The following MAN2A2 variants were observed in gnomAD, a reference collection of about 807,000 sequenced individuals.
MAN2A2 encodes the protein alpha-mannosidase 2x.
MAN2A2 carries 79 observed loss-of-function variants against 126.8 expected under a neutral mutation model. The observed-to-expected ratio is 0.62, with a 90% CI of 0.52 to 0.75. The LOEUF is 0.75. MAN2A2 is among the 30% of genes least tolerant of loss of function. MAN2A2 has a pLI of 0.00. For missense variants in MAN2A2, 1,392 were observed against 1,522.4 expected (o/e 0.91, Z 1.43); for synonymous variants, 671 against 618.7 (o/e 1.08, Z -1.25).
At position 90,910,308 on chromosome 15, in the gene MAN2A2, C is replaced by A. The variant is rs200302312; in HGVS notation, c.1577+16C>A. On this transcript the variant is annotated intron_variant, in intron 10 of 22. Coordinates refer to ENST00000559717, the MANE Select transcript of MAN2A2 (RefSeq NM_006122.4). ...CCCACCTGCGGTGAGACCCTGTCCCCGCTTCCAGGCTGGAGGGGGAGAGTC... is the reference window on the plus strand; with the variant it reads ...CCCACCTGCGGTGAGACCCTGTCCCAGCTTCCAGGCTGGAGGGGGAGAGTC... 81 of 1,613,084 alleles carry A rather than the reference C, an allele frequency of 5.0e-5. No individual in the cohort carries two copies. Among genetic ancestry groups the A allele is most frequent in the Non-Finnish European group, 6.8e-5 (80 of 1,179,414 alleles).
chr15:90,918,323 C>T lies in MAN2A2; in HGVS notation c.3124C>T (p.His1042Tyr). Residue 1042 changes from histidine to tyrosine, a missense_variant, in exon 21 of 23, where the codon CAT (histidine) becomes TAT (tyrosine). Physicochemically the swap from His to Tyr is moderately conservative, Grantham distance 83. Transcript: ENST00000559717. The stretch of plus-strand genomic sequence containing the variant: ...CCCAGGCCCTGGTCTGCGCTCATTT[C>T]ATCCTCTGGCTTCCTCACTGCCCTG... ...QLPGPGLRSF[H>Y]PLASSLPCDF... The T allele has an allele frequency of 6.2e-7, 1 of 1,614,222 alleles. No individual in the cohort carries two copies. The highest frequency in any genetic ancestry group is 8.5e-7 in the Non-Finnish European group (1 of 1,180,034).
intron 14 of MAN2A2, chr15:90,911,789 C>G (rs2034766863): frequency 1.7e-6 from 1 of 603,570 alleles, no homozygotes; most frequent in East Asian, 2.8e-5. Context: ...GTTATAATGC[C>G]CCATCATTCA....
Position 90,912,223 on chromosome 15 carries a change from G to T in MAN2A2, c.2290G>T (p.Ala764Ser). The change falls in exon 15 of 23, where the codon GCC becomes TCC. Residue 764 changes from alanine to serine, a missense_variant. By Grantham distance (99) the Ala-to-Ser change is moderately conservative. Coordinates refer to ENST00000559717, the MANE Select transcript of MAN2A2 (RefSeq NM_006122.4). The part of the protein sequence containing the change: ...RVIDSGTSDF[A>S]LSNRYMQVWF... Reference sequence around the variant, plus strand: ...CATTGACTCTGGCACCAGCGACTTCGCCCTCAGCAACCGCTACATGCAGGT... The same window carrying T: ...CATTGACTCTGGCACCAGCGACTTCTCCCTCAGCAACCGCTACATGCAGGT... 1.2e-6 allele frequency: 2 copies of T among 1,614,206 alleles called. No homozygotes were observed. The highest frequency in any genetic ancestry group is 1.7e-6 in the Non-Finnish European group (2 of 1,180,034).
chr15:90,906,780 A>G lies in MAN2A2; in HGVS notation c.876A>G (p.Gly292=), dbSNP rs776361942. Residue 292 remains glycine, a synonymous_variant, in exon 7 of 23, where the codon GGA becomes GGG. Transcript: ENST00000559717. ...PRSGWAVDPF[G]YSSTMPYLLR... ...CTGGCTGGGCAGTGGACCCCTTTGG[A>G]TACAGCTCCACCATGCCTTACCTGC... 5.0e-6 allele frequency: 8 copies of G among 1,613,446 alleles called. No individual in the cohort carries two copies. Among genetic ancestry groups the G allele is most frequent in the Non-Finnish European group, 6.8e-6 (8 of 1,179,964 alleles).
In MAN2A2 at chr15:90,904,497, C is replaced by T. The variant is rs145279799; in HGVS notation, c.132+158C>T. Among the ~76,000 whole-genome samples, 600 of 149,250 alleles carry T rather than the reference C, an allele frequency of 4.0e-3. 31 individuals are homozygous for T. In the East Asian group the frequency reaches 0.11, roughly 26 times the overall value. ...CCCAATAGTCAGGTTTTGTAGAAAC[C>T]CTCAGCTAAAAACAGTGATGGCGAA... On this transcript the variant is annotated intron_variant, in intron 2 of 22. Coordinates refer to ENST00000559717, the MANE Select transcript of MAN2A2 (RefSeq NM_006122.4).
chr15:90,918,810 G>A (rs917129660), intron 22 of MAN2A2, 55 bp downstream of exon 22: 1 of 1,277,580 alleles, frequency 7.8e-7, no homozygotes, highest in Non-Finnish European at 1.1e-6. Context: ...AGCTTGGTAA[G>A]ACTGGGCTGA....
At chr15:90,904,371 A>G in intron 2 of MAN2A2, 32 bp downstream of exon 2, 1 of 1,605,428 alleles carries the variant, frequency 6.2e-7, no homozygotes, top group Non-Finnish European at 8.5e-7. Flanking sequence ...ATTTCTTTGT[A>G]TACAAGTCAC....
intron 19 of MAN2A2, among the ~76,000 whole-genome samples, chr15:90,914,103 G>A (rs557545077): frequency 6.6e-6 from 1 of 152,366 alleles, no homozygotes; most frequent in Non-Finnish European, 1.5e-5. Context: ...CTGTTGGGAG[G>A]CCAAGGCAGA....
At chr15:90,918,513 C>T (rs1359233473) in intron 21 of MAN2A2, 125 bp downstream of exon 21, 2 of 1,290,336 alleles carry the variant, frequency 1.5e-6, no homozygotes, top group African/African-American at 1.5e-5. Context: ...TCCAAACCTC[C>T]AGGACCAGGT....
chr15:90,905,867 G>C lies in MAN2A2; in HGVS notation c.558G>C (p.Lys186Asn). Reference sequence around the variant, plus strand: ...TAGGCTGGATCAAGACCTTTGACAAGTACTACACAGAGCAGACCCAACACA... The same window carrying C: ...TAGGCTGGATCAAGACCTTTGACAACTACTACACAGAGCAGACCCAACACA... Reference protein sequence around the residue: ...NDPGWIKTFDKYYTEQTQHIL... With the variant: ...NDPGWIKTFDNYYTEQTQHIL... Residue 186 changes from lysine (K) to asparagine (N), a missense_variant, in exon 5 of 23, where the codon AAG (lysine) becomes AAC (asparagine). Lys to Asn is a moderately conservative substitution (Grantham distance 94, BLOSUM62 0). Transcript: ENST00000559717. 1 of 1,580,556 alleles carries C rather than the reference G, an allele frequency of 6.3e-7. No individual in the cohort carries two copies.
In MAN2A2 at chr15:90,912,888, C is replaced by T. The variant is rs909756923; in HGVS notation, c.2481C>T (p.Pro827=). Residue 827 remains proline, a synonymous_variant, in exon 17 of 23, where the codon CCC becomes CCT. Transcript: ENST00000559717. The part of the protein sequence containing the change: ...LPDGEAKPYV[P]KEPPVLRVTE... ...TGCTCTTTCTCTAGCCCTACGTCCC[C>T]AAGGAGCCCCCCGTGCTGCGTGTCA... 6.2e-6 allele frequency: 10 copies of T among 1,613,734 alleles called. No individual in the cohort carries two copies. The highest frequency in any genetic ancestry group is 8.5e-6 in the Non-Finnish European group (10 of 1,179,828).
In MAN2A2 at chr15:90,919,861, C is replaced by G; in HGVS notation, c.*74C>G. 1.9e-6 allele frequency: 3 copies of G among 1,542,646 alleles called. No homozygotes were observed. Among genetic ancestry groups the G allele is most frequent in the Non-Finnish European group, 2.7e-6 (3 of 1,125,032 alleles). On this transcript the variant is annotated 3_prime_UTR_variant, in exon 23 of 23. Transcript: ENST00000559717. ...AACATGAAGATCATTGGACAAGCCACACGGGTATCCCATCCCGATCTGCCT... is the reference window on the plus strand; with the variant it reads ...AACATGAAGATCATTGGACAAGCCAGACGGGTATCCCATCCCGATCTGCCT...
Position 90,911,895 on chromosome 15 carries a change from G to A in MAN2A2, c.2110-148G>A, listed in dbSNP as rs758983559. On this transcript the variant is annotated intron_variant, in intron 14 of 22. Coordinates refer to ENST00000559717, the MANE Select transcript of MAN2A2 (RefSeq NM_006122.4). ...TCATAAAGTCTGATGAGGAAGAAAGGGCAAATCAGATCACCTCCACTTTGG... is the reference window on the plus strand; with the variant it reads ...TCATAAAGTCTGATGAGGAAGAAAGAGCAAATCAGATCACCTCCACTTTGG... 177 of 700,770 alleles carry A rather than the reference G, an allele frequency of 2.5e-4. No homozygotes were observed. The Middle Eastern group carries it at 3.7e-3, about 15-fold the overall frequency. The allele number at this position is 700,770 out of a possible 1,614,324, so 43.4% of individuals were successfully genotyped here. A position where few individuals can be genotyped will look rare whatever the true frequency, so the allele number is the denominator to read the frequency against.
In MAN2A2 at chr15:90,905,939, C is replaced by T; in HGVS notation, c.630C>T (p.Arg210=). The T allele has an allele frequency of 1.2e-6, 2 of 1,613,828 alleles. No individual in the cohort carries two copies. The highest frequency in any genetic ancestry group is 1.7e-6 in the Non-Finnish European group (2 of 1,179,822). The part of the protein sequence containing the change: ...VSKLQEDPRR[R]FLWAEVSFFA... ...AGCTGCAGGAGGACCCCCGGCGGCG[C>T]TTCCTCTGGGCAGAGGTCTCCTTCT... Residue 210 remains arginine, a synonymous_variant, in exon 5 of 23, where the codon CGC becomes CGT. Transcript: ENST00000559717.
At position 90,910,488 on chromosome 15, in the gene MAN2A2, T is replaced by C; in HGVS notation, c.1578-13T>C. The C allele has an allele frequency of 6.2e-7, 1 of 1,613,138 alleles. No homozygotes were observed. Among genetic ancestry groups the C allele is most frequent in the Non-Finnish European group, 8.5e-7 (1 of 1,179,678 alleles). ...GTGGTGCAGGCTGGCAGCTAACTTC[T>C]CTCTCTGGGCAGGGGGGCAGAGGTT... On this transcript the variant is annotated splice_polypyrimidine_tract_variant and intron_variant, in intron 10 of 22. Transcript: ENST00000559717.
At chr15:90,916,419 C>G in intron 20 of MAN2A2, 163 bp downstream of exon 20, 1 of 1,111,694 alleles carries the variant, frequency 9.0e-7, no homozygotes, top group South Asian at 1.5e-5. Flanking sequence ...GTTTTGTGTC[C>G]CATCTCACGC....
At chr15:90,913,823 C>G in intron 19 of MAN2A2, 68 bp downstream of exon 19, 3 of 1,493,588 alleles carry the variant, frequency 2.0e-6, no homozygotes, top group Non-Finnish European at 2.7e-6. Flanking sequence ...CCCTCAAGGG[C>G]TCCCCGCTCT....
rs2035490133 is a variant in MAN2A2 at position 90,920,397 on chromosome 15, C to T, written c.*610C>T. On this transcript the variant is annotated 3_prime_UTR_variant, in exon 23 of 23. Coordinates refer to ENST00000559717, the MANE Select transcript of MAN2A2 (RefSeq NM_006122.4). ...GGCTTTGCAGTAAGTGCCGCCTGGC[C>T]TGCATGCATTGGCTAACAGGCTGCA... is the stretch of plus-strand genomic sequence containing the variant. The T allele has an allele frequency of 6.6e-6, 1 of 152,618 alleles. No individual in the cohort carries two copies. The highest frequency in any genetic ancestry group is 2.1e-4 in the South Asian group (1 of 4,856). The allele number at this position is 152,618 out of a possible 1,614,324, so 9.5% of individuals were successfully genotyped here.
chr15:90,907,120 G>A (rs2239293), intron 7 of MAN2A2, 189 bp from the exon 8 acceptor site: 238,859 of 807,902 alleles, frequency 0.3, 36,786 homozygotes, highest in East Asian at 0.56. Flanking sequence ...GGGCTTCAGC[G>A]TGCCCTGTGT....
Sources: gnomAD v4.1 joint callset for allele counts (sites outside exome capture counted in the v4.1 genomes callset) on GRCh38, gnomAD v4.1.1 for gene constraint, MANE v1.5 for transcripts, NCBI Gene and HGNC (gene_info 2026-07-23, HGNC 2026-07-21) for gene names.